TMEM268: variants seen among roughly 807,000 people sequenced by gnomAD.
The protein encoded by TMEM268 is transmembrane protein C9orf91.
TMEM268 carries 24 observed loss-of-function variants against 39.1 expected under a neutral mutation model. The observed-to-expected ratio is 0.61, with a 90% CI of 0.44 to 0.86. The LOEUF (loss-of-function observed/expected upper bound fraction) is 0.86. Ranked by LOEUF, TMEM268 falls within the 40% of genes least tolerant of loss-of-function variation. TMEM268 has a pLI of 0.00. For synonymous variants in TMEM268, 176 were observed against 173.5 expected (o/e 1.01, Z -0.12); for missense variants, 409 against 428.6 (o/e 0.95, Z 0.40).
chr9:114,637,288 CTTT>C lies in TMEM268; in HGVS notation c.666+235_666+237del, dbSNP rs33946644. ...TTCCTATGGTGAGCATATATTTCTT[CTTT>C]TTTTTTTTTTTTTTTTCCTGAGACA... On this transcript the variant is annotated intron_variant, in intron 7 of 8. Coordinates refer to ENST00000288502, the MANE Select transcript of TMEM268 (RefSeq NM_153045.4). Among the ~76,000 whole-genome samples the C allele has an allele frequency of 1.7e-3, 212 of 127,310 alleles. 1 individual carries two copies. Among genetic ancestry groups the C allele is most frequent in the Non-Finnish European group, 2.3e-3 (142 of 61,636 alleles). The allele number at this position is 127,310 out of a possible 152,430, so 83.5% of individuals were successfully genotyped here. A position where few individuals can be genotyped will look rare whatever the true frequency, so the allele number is the denominator to read the frequency against.
intron 4 of TMEM268, among the ~76,000 whole-genome samples, chr9:114,627,278 T>A (rs1020573645): frequency 6.6e-6 from 1 of 152,228 alleles, no homozygotes; most frequent in South Asian, 2.1e-4. Flanking sequence ...CCACCCAGGC[T>A]CTGGGCTCAA....
At chr9:114,604,585 C>CAA in the TMEM268 span, among the ~76,000 whole-genome samples, 2,648 of 81,220 alleles carry the variant, frequency 0.033, 188 homozygotes, top group African/African-American at 0.1. Context: ...GACTCCGTCT[C>CAA]AAAAAAAAAA....
At chr9:114,606,542 C>T (rs2133568928), upstream of TMEM268, among the ~76,000 whole-genome samples, 1 of 152,354 alleles carries the variant, frequency 6.6e-6, no homozygotes, top group Non-Finnish European at 1.5e-5. Context: ...TAAAATAGCT[C>T]ACATTTATTA....
chr9:114,641,659 G>A (rs1827346448), intron 8 of TMEM268, among the ~76,000 whole-genome samples: 2 of 151,242 alleles, frequency 1.3e-5, no homozygotes, highest in African/African-American at 4.9e-5. Flanking sequence ...TTTTTGAAAC[G>A]GAGTTTTGCT....
intron 6 of TMEM268, among the ~76,000 whole-genome samples, chr9:114,634,560 C>A (rs1255718110): frequency 6.6e-6 from 1 of 152,186 alleles, no homozygotes; most frequent in East Asian, 1.9e-4. Flanking sequence ...CCTGGCTGAA[C>A]TCTCCTGTTC....
At position 114,638,557 on chromosome 9, in the gene TMEM268, G is replaced by A. The variant is rs1315978935; in HGVS notation, c.680G>A (p.Ser227Asn). The A allele has an allele frequency of 6.3e-7, 1 of 1,577,922 alleles. No homozygotes were observed. The highest frequency in any genetic ancestry group is 8.6e-7 in the Non-Finnish European group (1 of 1,162,566). ...MKTSQESLLR[S>N]RLSQLCVVME... ...TTTCCTTTGCAGTCCTTGCTGAGAAGCAGATTGAGCCAGTTGTGTGTTGTC... is the reference window on the plus strand; with the variant it reads ...TTTCCTTTGCAGTCCTTGCTGAGAAACAGATTGAGCCAGTTGTGTGTTGTC... Residue 227 changes from serine (S) to asparagine (N), a missense_variant, in exon 8 of 9, where the codon AGC becomes AAC. By Grantham distance (46) the Ser-to-Asn change is conservative (BLOSUM62 1). Coordinates refer to ENST00000288502, the MANE Select transcript of TMEM268 (RefSeq NM_153045.4).
intron 4 of TMEM268, among the ~76,000 whole-genome samples, chr9:114,627,737 G>A (rs1393783524): frequency 6.6e-6 from 1 of 152,146 alleles, no homozygotes; most frequent in Admixed American, 6.5e-5. Context: ...TTACAGATGA[G>A]GAAACTGAGA....
the TMEM268 span, among the ~76,000 whole-genome samples, chr9:114,605,890 C>T: frequency 6.6e-6 from 1 of 151,830 alleles, no homozygotes; most frequent in Non-Finnish European, 1.5e-5. Flanking sequence ...AAGATTGTGC[C>T]ACTGCACTCC....
At chr9:114,617,644 C>T (rs1337764973) in intron 2 of TMEM268, among the ~76,000 whole-genome samples, 1 of 152,180 alleles carries the variant, frequency 6.6e-6, no homozygotes, top group African/African-American at 2.4e-5. Context: ...GATTGTAGCT[C>T]ACTGGAGCCT....
At chr9:114,616,159 G>T (rs551401358) in intron 1 of TMEM268, among the ~76,000 whole-genome samples, 1 of 151,256 alleles carries the variant, frequency 6.6e-6, no homozygotes, top group African/African-American at 2.4e-5. Flanking sequence ...GGGACTACAG[G>T]CTCCCACCAC....
chr9:114,611,940 G>A (rs1466483946), intron 1 of TMEM268, among the ~76,000 whole-genome samples: 1 of 152,262 alleles, frequency 6.6e-6, no homozygotes, highest in Non-Finnish European at 1.5e-5. Context: ...AGCTCCAGCT[G>A]GCGTGAAGGA....
chr9:114,613,802 A>T (rs1438551565), intron 1 of TMEM268, among the ~76,000 whole-genome samples: 1 of 152,184 alleles, frequency 6.6e-6, no homozygotes, highest in Non-Finnish European at 1.5e-5. Flanking sequence ...TCTCAGAGAC[A>T]GTCACACTAG....
At chr9:114,616,937 T>C (rs1055935292) in intron 1 of TMEM268, among the ~76,000 whole-genome samples, 181 bp from the exon 2 acceptor site, 1 of 152,148 alleles carries the variant, frequency 6.6e-6, no homozygotes, top group African/African-American at 2.4e-5. Flanking sequence ...TTTTAGTTTC[T>C]CTTCCTCCTC....
At chr9:114,615,111 G>A (rs1328343148) in intron 1 of TMEM268, among the ~76,000 whole-genome samples, 1 of 151,906 alleles carries the variant, frequency 6.6e-6, no homozygotes, top group Non-Finnish European at 1.5e-5. Context: ...TTGCCAGGCT[G>A]GTCTCAAACT....
At chr9:114,642,414 T>C (rs530923272) in intron 8 of TMEM268, among the ~76,000 whole-genome samples, 1 of 152,164 alleles carries the variant, frequency 6.6e-6, no homozygotes, top group Non-Finnish European at 1.5e-5. Context: ...TCTTTTAATA[T>C]GTTAGGAGTA....
At chr9:114,620,295 A>G (rs1845897684) in intron 2 of TMEM268, among the ~76,000 whole-genome samples, 1 of 152,112 alleles carries the variant, frequency 6.6e-6, no homozygotes, top group African/African-American at 2.4e-5. Flanking sequence ...CCCAGGCTGG[A>G]ATACAGTGGC....
intron 2 of TMEM268, among the ~76,000 whole-genome samples, 170 bp downstream of exon 2, chr9:114,617,471 C>G (rs1331548324): frequency 1.3e-5 from 2 of 152,254 alleles, no homozygotes; most frequent in African/African-American, 4.8e-5. Flanking sequence ...CCATCACTCT[C>G]TGCTGAGCCC....
At chr9:114,633,958 C>T in intron 6 of TMEM268, 80 bp downstream of exon 6, 1 of 737,524 alleles carries the variant, frequency 1.4e-6, no homozygotes, top group Non-Finnish European at 2.2e-6. Context: ...TCATGTTCTC[C>T]CAGCCTACAC....
chr9:114,628,301 G>A (rs1049939070), intron 5 of TMEM268, 51 bp downstream of exon 5: 2 of 1,584,384 alleles, frequency 1.3e-6, no homozygotes, highest in African/African-American at 1.3e-5. Context: ...AGCGGTGCAG[G>A]CGTGAGAATC....
Sources: allele counts gnomAD v4.1 joint callset (sites outside exome capture counted in the v4.1 genomes callset), GRCh38; gene constraint gnomAD v4.1.1; transcripts MANE v1.5; gene names NCBI Gene and HGNC (gene_info 2026-07-23, HGNC 2026-07-21).